The following ASTN2 variants were observed in gnomAD, a reference collection of about 807,000 sequenced individuals.
ASTN2 encodes astrotactin-2.
In ASTN2, 54 loss-of-function variants were observed where a neutral mutation model predicts 139.8. The ratio of observed to expected loss-of-function variants is 0.39; its 90% confidence interval spans 0.31 to 0.48. The LOEUF is 0.48. ASTN2 is among the 20% of genes least tolerant of loss of function. The probability of loss-of-function intolerance (pLI) is 0.95; values close to 1 mark genes in which losing one functional copy is unlikely to be tolerated. For synonymous variants in ASTN2, 756 were observed against 719.5 expected (o/e 1.05, Z -0.81); for missense variants, 1,565 against 1,725.1 (o/e 0.91, Z 1.64).
At chr9:117,316,421 T>C (rs1173513177) in intron 1 of ASTN2, among the ~76,000 whole-genome samples, 1 of 152,052 alleles carries the variant, frequency 6.6e-6, no homozygotes, top group South Asian at 2.1e-4. Context: ...AAGAATTGTA[T>C]GTTGGGTTCT....
intron 1 of ASTN2, among the ~76,000 whole-genome samples, chr9:117,335,698 A>G (rs1390648687): frequency 1.3e-5 from 2 of 152,158 alleles, no homozygotes; most frequent in Non-Finnish European, 2.9e-5. Flanking sequence ...CCCTTAAATC[A>G]ATGAAGCCAT....
chr9:116,997,509 T>A (rs1837060136), intron 7 of ASTN2, among the ~76,000 whole-genome samples: 1 of 152,188 alleles, frequency 6.6e-6, no homozygotes, highest in South Asian at 2.1e-4. Context: ...CAGTAAATTC[T>A]TTGTCCAAAG....
rs576640717 is a variant in ASTN2, at chr9:116,487,752, C to T, written c.3356-252G>A. Reference sequence around the variant, plus strand: ...ACCTTTATAAGATTGTAGCAAGACTCAAATGAGGTAAATTATTGTGTAATA... The same window carrying T: ...ACCTTTATAAGATTGTAGCAAGACTTAAATGAGGTAAATTATTGTGTAATA... On this transcript the variant is annotated intron_variant, in intron 19 of 22. Coordinates refer to ENST00000313400, the MANE Select transcript of ASTN2 (RefSeq NM_001365068.1). Among the ~76,000 whole-genome samples the T allele has an allele frequency of 6.6e-5, 10 of 151,942 alleles. No individual in the cohort carries two copies. The East Asian group carries it at 1.9e-3, about 29-fold the overall frequency.
intron 20 of ASTN2, among the ~76,000 whole-genome samples, chr9:116,479,171 A>G (rs951127337): frequency 5.3e-5 from 8 of 152,138 alleles, no homozygotes; most frequent in Middle Eastern, 3.2e-3. Context: ...GATGACCCTC[A>G]GCAATCTCAC....
At chr9:116,617,004 CT>C (rs1855892579) in intron 19 of ASTN2, among the ~76,000 whole-genome samples, 1 of 152,182 alleles carries the variant, frequency 6.6e-6, no homozygotes, top group Non-Finnish European at 1.5e-5. Context: ...GCAAAATCAG[CT>C]GCCCAGTTAC....
intron 19 of ASTN2, among the ~76,000 whole-genome samples, chr9:116,617,067 GTC>G (rs763268272): frequency 1.3e-4 from 20 of 152,152 alleles, no homozygotes; most frequent in African/African-American, 3.9e-4. Flanking sequence ...AGTCTGTTCT[GTC>G]TCTTTCAGTC....
chr9:117,339,904 TA>T (rs1263531142), intron 1 of ASTN2, among the ~76,000 whole-genome samples: 1 of 127,904 alleles, frequency 7.8e-6, no homozygotes, highest in Non-Finnish European at 1.7e-5. Context: ...TAGTCTCTTT[TA>T]CAAAAAAAAA....
intron 20 of ASTN2, among the ~76,000 whole-genome samples, chr9:116,467,827 T>C (rs1321345517): frequency 3.3e-5 from 5 of 152,138 alleles, no homozygotes; most frequent in Non-Finnish European, 7.4e-5. Flanking sequence ...CAAGAAATGG[T>C]AGGGTAGGTA....
intron 11 of ASTN2, among the ~76,000 whole-genome samples, chr9:116,843,547 T>C (rs764569505): frequency 7.3e-4 from 110 of 151,672 alleles, no homozygotes; most frequent in Non-Finnish European, 1.4e-3. Context: ...TAATCTCAGG[T>C]ACTCGGGAGG....
At chr9:117,196,415 G>T (rs141690769) in intron 3 of ASTN2, among the ~76,000 whole-genome samples, 43 of 152,240 alleles carry the variant, frequency 2.8e-4, no homozygotes, top group Admixed American at 1.0e-3. Context: ...GTACAGGACA[G>T]CAGCTGGCTT....
intron 5 of ASTN2, among the ~76,000 whole-genome samples, chr9:117,079,555 T>A (rs137965337): frequency 6.6e-6 from 1 of 152,182 alleles, no homozygotes. Context: ...TCATGCTTCA[T>A]GGACAGAGAA....
At chr9:116,709,329 C>G (rs1043212994) in intron 16 of ASTN2, among the ~76,000 whole-genome samples, 2 of 152,212 alleles carry the variant, frequency 1.3e-5, no homozygotes, top group Admixed American at 6.5e-5. Context: ...CCCTTGCAAT[C>G]AACAGAGTGA....
At chr9:117,262,916 A>G (rs962677334) in intron 2 of ASTN2, among the ~76,000 whole-genome samples, 1 of 152,190 alleles carries the variant, frequency 6.6e-6, no homozygotes, top group African/African-American at 2.4e-5. Flanking sequence ...GAGCCAAGGA[A>G]TATGAGTGGC....
intron 17 of ASTN2, 149 bp downstream of exon 17, chr9:116,651,379 A>G: frequency 1.1e-6 from 1 of 919,070 alleles, no homozygotes; most frequent in Non-Finnish European, 1.6e-6. Context: ...TATTTAGAAC[A>G]TGGTAAGGAA....
At chr9:116,764,637 C>T (rs898774571) in intron 13 of ASTN2, among the ~76,000 whole-genome samples, 6 of 152,172 alleles carry the variant, frequency 3.9e-5, no homozygotes, top group African/African-American at 1.4e-4. Context: ...AACTTCATTA[C>T]TATTAATAGA....
intron 5 of ASTN2, among the ~76,000 whole-genome samples, chr9:117,042,597 C>T (rs559843220): frequency 3.9e-5 from 6 of 152,010 alleles, no homozygotes; most frequent in South Asian, 2.1e-4. Flanking sequence ...ATCTCTTATT[C>T]GAGTGCTGCA....
At chr9:116,533,489 C>T (rs1851460926) in intron 19 of ASTN2, among the ~76,000 whole-genome samples, 1 of 152,146 alleles carries the variant, frequency 6.6e-6, no homozygotes, top group Admixed American at 6.5e-5. Context: ...ATGATATTGG[C>T]TGTGGGTTTG....
chr9:116,851,470 A>ACATC (rs1554754210), intron 11 of ASTN2, among the ~76,000 whole-genome samples: 4 of 115,624 alleles, frequency 3.5e-5, no homozygotes, highest in African/African-American at 9.5e-5. Flanking sequence ...AAATTGCTAA[A>ACATC]CATCTATCTA....
At position 116,763,826 on chromosome 9, in the gene ASTN2, T is replaced by G. The variant is rs571253753; in HGVS notation, c.2397-30303A>C. 5.6e-4 allele frequency among the ~76,000 whole-genome samples: 86 copies of G among 152,236 alleles called. 1 individual carries two copies. Among genetic ancestry groups the G allele is most frequent in the African/African-American group, 1.9e-3 (80 of 41,532 alleles). ...CCCAGTAAGCTCTCCTATGGTTTCT[T>G]TTTTCTGCAACATGCAAAGCACTGA... On this transcript the variant is annotated intron_variant, in intron 13 of 22. Transcript: ENST00000313400.
Sources: gnomAD v4.1 joint callset for allele counts (sites outside exome capture counted in the v4.1 genomes callset) on GRCh38, gnomAD v4.1.1 for gene constraint, MANE v1.5 for transcripts, NCBI Gene and HGNC (gene_info 2026-07-23, HGNC 2026-07-21) for gene names.